Variants in DPP10 observed in about 807,000 individuals in gnomAD.
DPP10 encodes inactive dipeptidyl peptidase 10.
A neutral mutation model predicts 120.9 loss-of-function variants in DPP10; 33 were observed. The observed-to-expected ratio is 0.27, with a 90% CI of 0.21 to 0.37. DPP10 has a LOEUF of 0.37. Among genes scored for constraint, DPP10 ranks in the 10% least tolerant of loss-of-function variants. DPP10 has a pLI of 1.00. For missense variants in DPP10, 816 were observed against 942.8 expected (o/e 0.87, Z 1.76); for synonymous variants, 337 against 326.1 (o/e 1.03, Z -0.36).
intron 5 of DPP10, among the ~76,000 whole-genome samples, chr2:115,644,111 A>G (rs905418249): frequency 1.3e-5 from 2 of 152,070 alleles, no homozygotes; most frequent in African/African-American, 4.8e-5. Flanking sequence ...TAAATTAAAA[A>G]AACTTAACCA....
At chr2:114,709,972 C>T (rs924045659) in intron 1 of DPP10, among the ~76,000 whole-genome samples, 16 of 152,166 alleles carry the variant, frequency 1.1e-4, no homozygotes, top group African/African-American at 3.6e-4. Context: ...ATGGTCTTTG[C>T]ATATGCAAAC....
chr2:114,707,196 G>A (rs1420458503), intron 1 of DPP10: 3 of 152,044 alleles, frequency 2.0e-5, no homozygotes, highest in African/African-American at 2.4e-5. Context: ...TTCACAAGAC[G>A]AACAATTACC....
At chr2:115,718,502 C>CT (rs921379046) in intron 7 of DPP10, among the ~76,000 whole-genome samples, 2 of 152,006 alleles carry the variant, frequency 1.3e-5, no homozygotes, top group Admixed American at 6.6e-5. Context: ...TCTTAGATCT[C>CT]TTTTTTTCTG....
chr2:115,139,787 C>T (rs977332934), intron 1 of DPP10, among the ~76,000 whole-genome samples: 12 of 138,306 alleles, frequency 8.7e-5, no homozygotes, highest in South Asian at 2.4e-4. Flanking sequence ...AATACCTTGA[C>T]GATTCTGTGC....
chr2:115,763,284 C>A (rs140227745), intron 12 of DPP10, among the ~76,000 whole-genome samples: 2 of 151,972 alleles, frequency 1.3e-5, no homozygotes, highest in African/African-American at 4.8e-5. Context: ...ACGTCTATGG[C>A]GTTAATGACC....
intron 1 of DPP10, among the ~76,000 whole-genome samples, chr2:115,059,437 C>T (rs971305993): frequency 4.7e-5 from 7 of 150,442 alleles, no homozygotes; most frequent in Admixed American, 4.6e-4. Context: ...ATCCAGGCTC[C>T]GTCACTCCTA....
At chr2:114,815,549 T>C (rs1165505133) in intron 1 of DPP10, among the ~76,000 whole-genome samples, 3 of 152,230 alleles carry the variant, frequency 2.0e-5, no homozygotes, top group Admixed American at 6.5e-5. Flanking sequence ...TCAAAAAAGT[T>C]AGTATCTAAG....
intron 1 of DPP10, among the ~76,000 whole-genome samples, chr2:114,970,175 T>C (rs1168021931): frequency 6.6e-6 from 1 of 152,034 alleles, no homozygotes; most frequent in Non-Finnish European, 1.5e-5. Flanking sequence ...TTCAACATAA[T>C]TGCAGGCTTA....
intron 2 of DPP10, among the ~76,000 whole-genome samples, chr2:115,315,303 A>G (rs931609575): frequency 7.2e-5 from 11 of 151,892 alleles, no homozygotes; most frequent in Non-Finnish European, 1.6e-4. Flanking sequence ...ACATACATCT[A>G]TATGTAAAAC....
chr2:114,986,017 T>C (rs1403595956), intron 1 of DPP10, among the ~76,000 whole-genome samples: 3 of 152,232 alleles, frequency 2.0e-5, no homozygotes, highest in African/African-American at 7.2e-5. Context: ...TACTTTGTGA[T>C]GCGGCAGTCA....
chr2:114,721,539 T>C (rs1701705379), intron 1 of DPP10, among the ~76,000 whole-genome samples: 1 of 152,240 alleles, frequency 6.6e-6, no homozygotes, highest in African/African-American at 2.4e-5. Flanking sequence ...TTAGCTCTGC[T>C]CTCATTCTTC....
intron 1 of DPP10, among the ~76,000 whole-genome samples, chr2:114,540,623 GC>G (rs1313029746): frequency 6.6e-6 from 1 of 152,130 alleles, no homozygotes; most frequent in African/African-American, 2.4e-5. Context: ...ATTTATTGCA[GC>G]CATCTCCTTA....
At chr2:115,611,557 G>C (rs932326009) in intron 5 of DPP10, among the ~76,000 whole-genome samples, 1 of 152,102 alleles carries the variant, frequency 6.6e-6, no homozygotes, top group Non-Finnish European at 1.5e-5. Flanking sequence ...GGGACTATAT[G>C]ACTTTCTAAC....
At chr2:114,669,722 G>T (rs1035625772) in intron 1 of DPP10, among the ~76,000 whole-genome samples, 1 of 151,942 alleles carries the variant, frequency 6.6e-6, no homozygotes, top group African/African-American at 2.4e-5. Context: ...AGCAGTTTTG[G>T]TAAGTGATAT....
chr2:115,146,917 C>A (rs566458142), intron 1 of DPP10, among the ~76,000 whole-genome samples: 1 of 152,132 alleles, frequency 6.6e-6, no homozygotes, highest in Non-Finnish European at 1.5e-5. Flanking sequence ...TTAGACTTCA[C>A]AGCCTGTAGA....
At position 115,265,830 on chromosome 2, in the gene DPP10, G is replaced by T. The variant is rs180883968; in HGVS notation, c.61-43409G>T. ...GCGGTGGCTCACGCCTGTAGTCCCA[G>T]CTACTGGGGAGGCTGAGGCAGGAGA... On this transcript the variant is annotated intron_variant, in intron 1 of 25. Transcript: ENST00000410059. Among the ~76,000 whole-genome samples the T allele has an allele frequency of 3.0e-3, 452 of 152,158 alleles. 2 individuals carry two copies. The highest frequency in any genetic ancestry group is 5.6e-3 in the Non-Finnish European group (382 of 67,992).
At chr2:115,529,459 G>GT (rs3043862) in intron 5 of DPP10, among the ~76,000 whole-genome samples, 8 of 146,166 alleles carry the variant, frequency 5.5e-5, no homozygotes, top group East Asian at 2.0e-4. Flanking sequence ...GGTGGCAAAA[G>GT]TTTTTTTTTT....
rs181965168 is a variant in DPP10, at chr2:115,195,053, G to C, written c.61-114186G>C. ...TTTGGGGATATATTTTGGACATTCA[G>C]TGTGCGCTCATGATGATCACTGACT... On this transcript the variant is annotated intron_variant, in intron 1 of 25. Coordinates refer to ENST00000410059, the MANE Select transcript of DPP10 (RefSeq NM_020868.6). 1.6e-3 allele frequency among the ~76,000 whole-genome samples: 242 copies of C among 152,296 alleles called. 4 individuals are homozygous for C. The highest frequency in any genetic ancestry group is 5.3e-3 in the African/African-American group (219 of 41,570).
chr2:115,250,456 G>C (rs913564276), intron 1 of DPP10, among the ~76,000 whole-genome samples: 15 of 152,156 alleles, frequency 9.9e-5, no homozygotes, highest in African/African-American at 3.6e-4. Flanking sequence ...GAAGGGTCTG[G>C]AGAAAAGAGA....
Sources: allele counts gnomAD v4.1 joint callset (sites outside exome capture counted in the v4.1 genomes callset), GRCh38; gene constraint gnomAD v4.1.1; transcripts MANE v1.5; gene names NCBI Gene and HGNC (gene_info 2026-07-23, HGNC 2026-07-21).